Variants in ANTXR2 observed in about 807,000 individuals in gnomAD.
ANTXR2 encodes anthrax toxin receptor 2.
A neutral mutation model predicts 73.7 loss-of-function variants in ANTXR2; 44 were observed. The observed-to-expected ratio is 0.60, with a 90% CI of 0.47 to 0.77. The LOEUF (loss-of-function observed/expected upper bound fraction) is 0.77. Ranked by LOEUF, ANTXR2 falls within the 30% of genes least tolerant of loss-of-function variation. The probability of loss-of-function intolerance (pLI) is 0.00; values close to 1 mark genes in which losing one functional copy is unlikely to be tolerated. For missense variants in ANTXR2, 604 were observed against 592.5 expected (o/e 1.02, Z -0.20); for synonymous variants, 217 against 205.9 (o/e 1.05, Z -0.46).
Position 79,906,882 on chromosome 4 carries a change from C to T in ANTXR2, c.*547G>A, listed in dbSNP as rs1726932356. 6.5e-6 allele frequency: 1 copy of T among 154,878 alleles called. No homozygotes were observed. Among genetic ancestry groups the T allele is most frequent in the Admixed American group, 6.5e-5 (1 of 15,292 alleles). 9.6% of individuals were successfully genotyped at this position (154,878 alleles called of 1,614,324 possible). A position where few individuals can be genotyped will look rare whatever the true frequency, so the allele number is the denominator to read the frequency against. On this transcript the variant is annotated 3_prime_UTR_variant, in exon 17 of 17. Transcript: ENST00000403729. ...AGTCAGAAACTTCCCATAAGGCACA[C>T]TGTGATAGAGCACTTGGAAGGATTC...
chr4:80,024,496 C>T lies in ANTXR2; in HGVS notation c.867-5520G>A. 2 of 251,826 alleles carry T rather than the reference C, an allele frequency of 7.9e-6. 1 individual carries two copies. Among genetic ancestry groups the T allele is most frequent in the South Asian group, 7.4e-5 (2 of 26,904 alleles). 15.6% of individuals were successfully genotyped at this position (251,826 alleles called of 1,614,324 possible). A position where few individuals can be genotyped will look rare whatever the true frequency, so the allele number is the denominator to read the frequency against. On this transcript the variant is annotated intron_variant, in intron 10 of 16. Coordinates refer to ENST00000403729, the MANE Select transcript of ANTXR2 (RefSeq NM_058172.6). ...CTGAGGGGCACTGGACACTGTGGCT[C>T]ATGCCTGTAATCCCAACACTTTGGG...
At chr4:80,057,453 G>A (rs572655858) in intron 3 of ANTXR2, among the ~76,000 whole-genome samples, 113 of 151,710 alleles carry the variant, frequency 7.4e-4, no homozygotes, top group African/African-American at 2.4e-3. Flanking sequence ...TTTTTATATC[G>A]CAATAAAAAA....
At chr4:79,921,670 C>T (rs979618715) in intron 16 of ANTXR2, among the ~76,000 whole-genome samples, 6 of 152,004 alleles carry the variant, frequency 3.9e-5, no homozygotes, top group African/African-American at 9.6e-5. Flanking sequence ...TGAAAGCTTA[C>T]GAATAAAAAT....
chr4:80,033,613 C>A (rs779833114), intron 8 of ANTXR2, 43 bp from the exon 9 acceptor site: 4 of 1,421,736 alleles, frequency 2.8e-6, no homozygotes, highest in African/African-American at 3.0e-5. Context: ...ACTGCTTTAC[C>A]AAAAAAATAA....
chr4:80,004,956 C>T (rs1376676986), intron 12 of ANTXR2, among the ~76,000 whole-genome samples: 1 of 151,954 alleles, frequency 6.6e-6, no homozygotes, highest in Admixed American at 6.6e-5. Context: ...AAAAAAAAAC[C>T]TGAGAATCTC....
chr4:80,048,121 G>A (rs930424657), intron 7 of ANTXR2, among the ~76,000 whole-genome samples: 1 of 150,946 alleles, frequency 6.6e-6, no homozygotes, highest in African/African-American at 2.4e-5. Flanking sequence ...GGAATCAGAG[G>A]TTAATTTTTA....
At chr4:79,930,228 A>C (rs1728003304) in intron 16 of ANTXR2, among the ~76,000 whole-genome samples, 1 of 152,196 alleles carries the variant, frequency 6.6e-6, no homozygotes, top group African/African-American at 2.4e-5. Flanking sequence ...AATTAAATAC[A>C]TTACAATTTA....
chr4:79,926,444 T>A (rs1727784645), intron 16 of ANTXR2, among the ~76,000 whole-genome samples: 1 of 152,064 alleles, frequency 6.6e-6, no homozygotes, highest in African/African-American at 2.4e-5. Flanking sequence ...ATGGGTGGGA[T>A]GAGGAGGAAG....
chr4:79,904,084 A>C lies in ANTXR2; in HGVS notation c.*3345T>G, dbSNP rs1726816836. On this transcript the variant is annotated 3_prime_UTR_variant, in exon 17 of 17. Transcript: ENST00000403729. ...GTCTATCAAAATGTTTTAAACACCT[A>C]ATTATCCACAATATAGAATTTGTTT... 6.9e-6 allele frequency: 1 copy of C among 144,950 alleles called. No individual in the cohort carries two copies. Among genetic ancestry groups the C allele is most frequent in the Non-Finnish European group, 1.5e-5 (1 of 65,858 alleles). The allele number at this position is 144,950 out of a possible 1,614,324, so 9.0% of individuals were successfully genotyped here.
intron 12 of ANTXR2, among the ~76,000 whole-genome samples, 189 bp from the exon 13 acceptor site, chr4:79,985,052 A>G (rs1305461434): frequency 6.6e-6 from 1 of 152,078 alleles, no homozygotes; most frequent in East Asian, 1.9e-4. Context: ...CGGCAAATAG[A>G]AAAAGGTTGA....
intron 3 of ANTXR2, among the ~76,000 whole-genome samples, chr4:80,056,768 T>C (rs1173130685): frequency 6.6e-6 from 1 of 151,910 alleles, no homozygotes; most frequent in African/African-American, 2.4e-5. Context: ...TAATTCACTA[T>C]CCCAACTGAA....
At chr4:80,014,105 T>C (rs1379575085) in intron 11 of ANTXR2, among the ~76,000 whole-genome samples, 3 of 152,150 alleles carry the variant, frequency 2.0e-5, no homozygotes, top group Admixed American at 2.0e-4. Context: ...CTTCACTCGG[T>C]GTCTGGTCTT....
At chr4:80,067,768 G>C (rs1734575301) in intron 3 of ANTXR2, among the ~76,000 whole-genome samples, 1 of 152,092 alleles carries the variant, frequency 6.6e-6, no homozygotes, top group Admixed American at 6.6e-5. Context: ...ACCCAACACT[G>C]CATGTTCTTG....
intron 7 of ANTXR2, among the ~76,000 whole-genome samples, chr4:80,053,562 T>C (rs59431527): frequency 0.14 from 21,600 of 151,694 alleles, 2,845 homozygotes; most frequent in East Asian, 0.71. Context: ...TATATATTAT[T>C]CACTTCCATT....
intron 16 of ANTXR2, 134 bp from the exon 17 acceptor site, chr4:79,907,601 A>G: frequency 1.0e-6 from 1 of 961,182 alleles, no homozygotes; most frequent in Admixed American, 2.6e-5. Context: ...ACATGAAGTC[A>G]TAATTTTTTT....
chr4:80,064,454 G>A (rs573814935), intron 3 of ANTXR2, among the ~76,000 whole-genome samples: 1 of 152,266 alleles, frequency 6.6e-6, no homozygotes, highest in South Asian at 2.1e-4. Flanking sequence ...TGAGCATCAG[G>A]CTCTGTTCTA....
Position 79,901,254 on chromosome 4 carries a change from C to A in ANTXR2, c.*6175G>T, listed in dbSNP as rs558618750. The A allele has an allele frequency of 1.3e-5, 2 of 152,154 alleles. No homozygotes were observed. Among genetic ancestry groups the A allele is most frequent in the African/African-American group, 4.8e-5 (2 of 41,450 alleles). 9.4% of individuals were successfully genotyped at this position (152,154 alleles called of 1,614,324 possible). On this transcript the variant is annotated 3_prime_UTR_variant, in exon 17 of 17. Coordinates refer to ENST00000403729, the MANE Select transcript of ANTXR2 (RefSeq NM_058172.6). ...AAATTCTATTTACAGGTGTCATCTG[C>A]TAGAACTAGTCAATCTTGTTTTATA... is the stretch of plus-strand genomic sequence containing the variant.
Position 79,907,128 on chromosome 4 carries a change from C to T in ANTXR2, c.*301G>A. ...TGTTGTTGCTTTTTCCTCTTCTACACATTCAAACAAACTTTCTTGTACAAA... is the reference window on the plus strand; with the variant it reads ...TGTTGTTGCTTTTTCCTCTTCTACATATTCAAACAAACTTTCTTGTACAAA... On this transcript the variant is annotated 3_prime_UTR_variant, in exon 17 of 17. Transcript: ENST00000403729. 1 of 414,758 alleles carries T rather than the reference C, an allele frequency of 2.4e-6. No individual in the cohort carries two copies. Among genetic ancestry groups the T allele is most frequent in the Admixed American group, 4.7e-5 (1 of 21,418 alleles). The allele number at this position is 414,758 out of a possible 1,614,324, so 25.7% of individuals were successfully genotyped here.
Position 80,018,945 on chromosome 4 carries a change from C to A in ANTXR2, c.898G>T (p.Gly300Ter). ...AATGATCCTGAAATGACAGATTTTC[C>A]TCCATTAAAGCTCACTGAAACATCA... ...TLDVSVSFNG[G>*]KSVISGSLIV... The change falls in exon 11 of 17, where the codon GGA (glycine) becomes TGA (stop). Residue 300 changes from glycine (G) to a stop codon, truncating the protein, a stop_gained. Transcript: ENST00000403729. LOFTEE classifies it high-confidence loss of function. The A allele has an allele frequency of 6.6e-7, 1 of 1,515,902 alleles. No homozygotes were observed. Among genetic ancestry groups the A allele is most frequent in the Non-Finnish European group, 8.8e-7 (1 of 1,134,590 alleles). The allele number at this position is 1,515,902 out of a possible 1,614,324, so 93.9% of individuals were successfully genotyped here. A position where few individuals can be genotyped will look rare whatever the true frequency, so the allele number is the denominator to read the frequency against.
Sources: gnomAD v4.1 joint callset for allele counts (sites outside exome capture counted in the v4.1 genomes callset) on GRCh38, gnomAD v4.1.1 for gene constraint, MANE v1.5 for transcripts, NCBI Gene and HGNC (gene_info 2026-07-23, HGNC 2026-07-21) for gene names.